The following GIMD1 variants were observed in gnomAD, a reference collection of about 807,000 sequenced individuals.
GIMD1 encodes GIMAP family P-loop NTPase domain containing 1.
GIMD1 carries 14 observed loss-of-function variants against 14.9 expected under a neutral mutation model. The ratio of observed to expected loss-of-function variants is 0.94; its 90% confidence interval spans 0.62 to 1.47. GIMD1 has a LOEUF of 1.47. GIMD1 is among the 40% of genes most tolerant of loss of function. The pLI is 0.00. For missense variants in GIMD1, 272 were observed against 255.3 expected (o/e 1.07, Z -0.44); for synonymous variants, 91 against 90.5 (o/e 1.01, Z -0.03).
Position 106,367,365 on chromosome 4 carries a change from G to T in GIMD1, c.71C>A (p.Ala24Asp). Residue 24 changes from alanine to aspartate, a missense_variant, in exon 2 of 3, where the codon GCT (alanine) becomes GAT (aspartate). Physicochemically the swap from Ala to Asp is moderately radical, Grantham distance 126 (BLOSUM62 -2). Transcript: ENST00000638719. Reference protein sequence around the residue: ...FGMTQSGKSSAGNILLGSTDF... With the variant: ...FGMTQSGKSSDGNILLGSTDF... Reference sequence around the variant, plus strand: ...TGTGCTTCCCAGCAGAATGTTTCCAGCAGAACTTTTTCCACTCTGAGTCAT... The same window carrying T: ...TGTGCTTCCCAGCAGAATGTTTCCATCAGAACTTTTTCCACTCTGAGTCAT... 1 of 1,535,970 alleles carries T rather than the reference G, an allele frequency of 6.5e-7. No homozygotes were observed. Among genetic ancestry groups the T allele is most frequent in the Non-Finnish European group, 8.7e-7 (1 of 1,146,806 alleles).
intron 2 of GIMD1, among the ~76,000 whole-genome samples, chr4:106,364,810 C>A (rs190618645): frequency 2.0e-3 from 308 of 152,140 alleles, no homozygotes; most frequent in Middle Eastern, 0.01. Context: ...AGACTATATG[C>A]CAAATATTGT....
intron 2 of GIMD1, among the ~76,000 whole-genome samples, chr4:106,364,751 G>A (rs1369511772): frequency 6.6e-6 from 1 of 152,116 alleles, no homozygotes; most frequent in East Asian, 1.9e-4. Context: ...TCTCCTTGCT[G>A]CCTTCAGTTC....
At chr4:106,365,324 G>A (rs1268267332) in intron 2 of GIMD1, among the ~76,000 whole-genome samples, 1 of 150,702 alleles carries the variant, frequency 6.6e-6, no homozygotes, top group Non-Finnish European at 1.5e-5. Context: ...GTTACATGAT[G>A]AGCATTTTTT....
At chr4:106,363,886 G>C (rs143442296) in intron 2 of GIMD1, among the ~76,000 whole-genome samples, 66 of 123,576 alleles carry the variant, frequency 5.3e-4, no homozygotes, top group African/African-American at 7.5e-4. Flanking sequence ...ACCATAATGG[G>C]GGGGGGGGGG....
intron 2 of GIMD1, among the ~76,000 whole-genome samples, chr4:106,365,371 G>A (rs184568811): frequency 8.1e-5 from 12 of 147,378 alleles, no homozygotes; most frequent in Non-Finnish European, 1.0e-4. Context: ...CTAGTTTCTT[G>A]TGATTATACA....
intron 2 of GIMD1, 126 bp from the exon 3 acceptor site, chr4:106,358,569 T>G: frequency 1.5e-6 from 1 of 684,762 alleles, no homozygotes; most frequent in Non-Finnish European, 2.3e-6. Flanking sequence ...AAAGCTGATA[T>G]ACAATGTAGG....
intron 2 of GIMD1, among the ~76,000 whole-genome samples, chr4:106,362,311 T>C (rs957553982): frequency 1.3e-5 from 2 of 152,106 alleles, no homozygotes; most frequent in African/African-American, 2.4e-5. Flanking sequence ...TGCTGAATAG[T>C]CATCACGTTA....
rs34967487 is a variant in GIMD1 at position 106,363,883 on chromosome 4, T to TGG, written c.393+3158_393+3159dup. ...GCAGTAATAATACAGAATACCATAA[T>TGG]GGGGGGGGGGGGGCGGAAATGGACC... On this transcript the variant is annotated intron_variant, in intron 2 of 2. Coordinates refer to ENST00000638719, the MANE Select transcript of GIMD1 (RefSeq NM_001195138.2). Among the ~76,000 whole-genome samples, 13 of 78,306 alleles carry TGG rather than the reference T, an allele frequency of 1.7e-4. No individual in the cohort carries two copies. In the East Asian group the frequency reaches 2.1e-3, roughly 12 times the overall value. 51.4% of individuals were successfully genotyped at this position (78,306 alleles called of 152,430 possible).
chr4:106,364,794 A>C (rs1770670063), intron 2 of GIMD1, among the ~76,000 whole-genome samples: 1 of 152,194 alleles, frequency 6.6e-6, no homozygotes, highest in East Asian at 1.9e-4. Flanking sequence ...AGGCATCTGT[A>C]AGAGAAGACT....
At position 106,358,136 on chromosome 4, in the gene GIMD1, A is replaced by G; in HGVS notation, c.*47T>C. 7.8e-7 allele frequency: 1 copy of G among 1,284,570 alleles called. No individual in the cohort carries two copies. Among genetic ancestry groups the G allele is most frequent in the Non-Finnish European group, 1.0e-6 (1 of 963,954 alleles). The allele number at this position is 1,284,570 out of a possible 1,614,324, so 79.6% of individuals were successfully genotyped here. On this transcript the variant is annotated 3_prime_UTR_variant, in exon 3 of 3. Coordinates refer to ENST00000638719, the MANE Select transcript of GIMD1 (RefSeq NM_001195138.2). ...GTCAATAAAGGCATTCTTTGTAGCT[A>G]GGTTTCTGACTCCAATACCCAATGC...
intron 2 of GIMD1, among the ~76,000 whole-genome samples, 164 bp downstream of exon 2, chr4:106,366,879 A>T (rs2949647): frequency 0.25 from 37,369 of 150,046 alleles, 5,165 homozygotes; most frequent in Middle Eastern, 0.37. Flanking sequence ...TTTTACTGAC[A>T]ATTCCTAGGT....
chr4:106,358,176 C>T lies in GIMD1; in HGVS notation c.*7G>A, dbSNP rs919940867. 1 of 1,465,086 alleles carries T rather than the reference C, an allele frequency of 6.8e-7. No homozygotes were observed. The highest frequency in any genetic ancestry group is 9.0e-7 in the Non-Finnish European group (1 of 1,111,942). The allele number at this position is 1,465,086 out of a possible 1,614,324, so 90.8% of individuals were successfully genotyped here. ...ATACCCAATGCTCCTTTCCTTTCACCTAAATTTTATTTAAATGTAAGAACT... is the reference window on the plus strand; with the variant it reads ...ATACCCAATGCTCCTTTCCTTTCACTTAAATTTTATTTAAATGTAAGAACT... On this transcript the variant is annotated 3_prime_UTR_variant, in exon 3 of 3. Coordinates refer to ENST00000638719, the MANE Select transcript of GIMD1 (RefSeq NM_001195138.2).
intron 2 of GIMD1, among the ~76,000 whole-genome samples, chr4:106,362,083 A>C (rs536601857): frequency 2.6e-5 from 4 of 152,126 alleles, no homozygotes; most frequent in Admixed American, 1.3e-4. Context: ...ACCTAAGGAT[A>C]ATAGATTTGT....
rs1465400878 is a variant in GIMD1 at position 106,364,247 on chromosome 4, C to T, written c.393+2796G>A. Among the ~76,000 whole-genome samples, 3 of 151,992 alleles carry T rather than the reference C, an allele frequency of 2.0e-5. 1 individual carries two copies. The East Asian group carries it at 5.8e-4, about 29-fold the overall frequency. On this transcript the variant is annotated intron_variant, in intron 2 of 2. Coordinates refer to ENST00000638719, the MANE Select transcript of GIMD1 (RefSeq NM_001195138.2). ...TGGGGAAGATATTTAAAGAGACAAC[C>T]GGGAGGCATGGGAAAGAAGAAGCTA...
At chr4:106,368,432 T>C (rs1268788288) in intron 1 of GIMD1, among the ~76,000 whole-genome samples, 1 of 152,230 alleles carries the variant, frequency 6.6e-6, no homozygotes, top group Admixed American at 6.5e-5. Flanking sequence ...CTTGTAACTT[T>C]ATTACACAGT....
chr4:106,358,105 A>T lies in GIMD1; in HGVS notation c.*78T>A. 1 of 967,420 alleles carries T rather than the reference A, an allele frequency of 1.0e-6. No individual in the cohort carries two copies. Among genetic ancestry groups the T allele is most frequent in the Non-Finnish European group, 1.5e-6 (1 of 676,274 alleles). The allele number at this position is 967,420 out of a possible 1,614,324, so 59.9% of individuals were successfully genotyped here. ...GCATATCAGAATACTTATGGTCCAC[A>T]TTCATGTCAATAAAGGCATTCTTTG... On this transcript the variant is annotated 3_prime_UTR_variant, in exon 3 of 3. Transcript: ENST00000638719.
chr4:106,363,204 T>G lies in GIMD1; in HGVS notation c.393+3839A>C, dbSNP rs574043649. 2.6e-5 allele frequency among the ~76,000 whole-genome samples: 4 copies of G among 152,264 alleles called. No homozygotes were observed. The East Asian group carries it at 7.7e-4, about 29-fold the overall frequency. On this transcript the variant is annotated intron_variant, in intron 2 of 2. Coordinates refer to ENST00000638719, the MANE Select transcript of GIMD1 (RefSeq NM_001195138.2). ...ACAAATACTAACAATGAAATAATAA[T>G]GGCCAGAGCTATTTGCTGTGCACTT...
Position 106,367,276 on chromosome 4 carries a change from G to A in GIMD1, c.160C>T (p.His54Tyr), listed in dbSNP as rs1770717344. The change falls in exon 2 of 3, where the codon CAC becomes TAC. Residue 54 changes from histidine (H) to tyrosine (Y), a missense_variant. His to Tyr is a moderately conservative substitution (Grantham distance 83). Coordinates refer to ENST00000638719, the MANE Select transcript of GIMD1 (RefSeq NM_001195138.2). ...TTCCSLGRSCHLHSFMRRGGL... is the reference protein window; with the variant it reads ...TTCCSLGRSCYLHSFMRRGGL... ...CCTCGACGCATGAAGCTGTGGAGGT[G>A]ACAACTGCGGCCCAGGCTACAACAT... The A allele has an allele frequency of 6.5e-7, 1 of 1,536,002 alleles. No homozygotes were observed.
intron 2 of GIMD1, among the ~76,000 whole-genome samples, chr4:106,364,910 A>G (rs1157327656): frequency 6.6e-6 from 1 of 152,208 alleles, no homozygotes; most frequent in Non-Finnish European, 1.5e-5. Context: ...TAAAACTATT[A>G]AAACCTATTT....
Sources: allele counts gnomAD v4.1 joint callset (sites outside exome capture counted in the v4.1 genomes callset), GRCh38; gene constraint gnomAD v4.1.1; transcripts MANE v1.5; gene names NCBI Gene and HGNC (gene_info 2026-07-23, HGNC 2026-07-21).